C3orf70: variants seen among roughly 807,000 people sequenced by gnomAD.
The protein encoded by C3orf70 is UPF0524 protein C3orf70.
In C3orf70, 15 loss-of-function variants were observed where a neutral mutation model predicts 20.7. That is an observed-to-expected ratio of 0.72 (90% CI 0.48 to 1.11). The LOEUF is 1.11. Among genes scored for constraint, C3orf70 ranks in the 50% most tolerant of loss-of-function variants. The probability of loss-of-function intolerance (pLI) is 0.00; values close to 1 mark genes in which losing one functional copy is unlikely to be tolerated. For missense variants in C3orf70, 332 were observed against 317.6 expected (o/e 1.05, Z -0.34); for synonymous variants, 161 against 125.7 (o/e 1.28, Z -1.88).
intron 1 of C3orf70, among the ~76,000 whole-genome samples, chr3:185,134,074 C>T (rs1465458342): frequency 7.0e-6 from 1 of 143,472 alleles, no homozygotes; most frequent in African/African-American, 2.5e-5. Context: ...CTGGGTGATA[C>T]AGTGAGACTC....
intron 1 of C3orf70, among the ~76,000 whole-genome samples, chr3:185,107,826 G>A (rs1239639406): frequency 6.6e-6 from 1 of 152,114 alleles, no homozygotes. Flanking sequence ...CCAAAAAATT[G>A]GCCTTTAATA....
chr3:185,133,555 C>T (rs1716563806), intron 1 of C3orf70, among the ~76,000 whole-genome samples: 1 of 151,912 alleles, frequency 6.6e-6, no homozygotes, highest in South Asian at 2.1e-4. Flanking sequence ...CCAGCCTGGC[C>T]ATCACAGCAA....
chr3:185,079,345 T>G lies in C3orf70; in HGVS notation c.*3662A>C, dbSNP rs1179001730. Reference sequence around the variant, plus strand: ...CCAAGATAGAATCAAATCCAAAAAGTATTTCAGGAAAGCAACTACGTTGTT... The same window carrying G: ...CCAAGATAGAATCAAATCCAAAAAGGATTTCAGGAAAGCAACTACGTTGTT... On this transcript the variant is annotated 3_prime_UTR_variant, in exon 2 of 2. Coordinates refer to ENST00000335012, the MANE Select transcript of C3orf70 (RefSeq NM_001025266.3). The G allele has an allele frequency of 6.9e-6, 1 of 145,702 alleles. No individual in the cohort carries two copies. The highest frequency in any genetic ancestry group is 1.5e-5 in the Non-Finnish European group (1 of 66,346). 9.0% of individuals were successfully genotyped at this position (145,702 alleles called of 1,614,324 possible).
chr3:185,152,957 C>CTGA lies in C3orf70; in HGVS notation c.-135_-134insTCA. The CTGA allele has an allele frequency of 1.3e-6, 1 of 758,832 alleles. No individual in the cohort carries two copies. The highest frequency in any genetic ancestry group is 1.8e-6 in the Non-Finnish European group (1 of 561,028). 47.0% of individuals were successfully genotyped at this position (758,832 alleles called of 1,614,324 possible). A position where few individuals can be genotyped will look rare whatever the true frequency, so the allele number is the denominator to read the frequency against. On this transcript the variant is annotated 5_prime_UTR_variant, in exon 1 of 2. Transcript: ENST00000335012. ...GAGTCACGCCAGCACGCGGCGGCGG[C>CTGA]GGGAGCGCGGCGGTCCCAGGCTCGA...
At chr3:185,131,770 G>A (rs1047731233) in intron 1 of C3orf70, among the ~76,000 whole-genome samples, 12 of 152,232 alleles carry the variant, frequency 7.9e-5, no homozygotes, top group African/African-American at 2.9e-4. Context: ...GATATTTGCT[G>A]GGATAGGTAA....
chr3:185,116,236 T>C (rs1026623403), intron 1 of C3orf70, among the ~76,000 whole-genome samples: 3 of 152,214 alleles, frequency 2.0e-5, no homozygotes, highest in African/African-American at 2.4e-5. Context: ...AGAATGCTAT[T>C]TATTGGTACC....
intron 1 of C3orf70, among the ~76,000 whole-genome samples, chr3:185,126,744 A>G (rs1383091607): frequency 6.6e-6 from 1 of 152,166 alleles, no homozygotes; most frequent in East Asian, 1.9e-4. Context: ...CAAAACGAAA[A>G]TGCTGGCCCC....
In C3orf70 at chr3:185,083,591, A is replaced by T. The variant is rs1464075363; in HGVS notation, c.197-28T>A. 4 of 1,531,736 alleles carry T rather than the reference A, an allele frequency of 2.6e-6. No homozygotes were observed. In the Admixed American group the frequency reaches 7.9e-5, roughly 30 times the overall value. 94.9% of individuals were successfully genotyped at this position (1,531,736 alleles called of 1,614,324 possible). A position where few individuals can be genotyped will look rare whatever the true frequency, so the allele number is the denominator to read the frequency against. On this transcript the variant is annotated intron_variant, in intron 1 of 1. Coordinates refer to ENST00000335012, the MANE Select transcript of C3orf70 (RefSeq NM_001025266.3). The stretch of plus-strand genomic sequence containing the variant: ...GTGAAGACACAAAAAGACACTTGAA[A>T]TCTATATTACACAAACTATATTAAC...
chr3:185,083,682 C>A, intron 1 of C3orf70, 119 bp from the exon 2 acceptor site: 1 of 778,552 alleles, frequency 1.3e-6, no homozygotes, highest in South Asian at 2.4e-5. Context: ...TCAAAAGAAA[C>A]TAGTAATAAA....
intron 1 of C3orf70, among the ~76,000 whole-genome samples, chr3:185,120,401 G>C (rs996903940): frequency 6.6e-6 from 1 of 151,888 alleles, no homozygotes; most frequent in Non-Finnish European, 1.5e-5. Context: ...AGATATGCAG[G>C]GCAAATAAAG....
At chr3:185,142,184 G>C (rs1409877279) in intron 1 of C3orf70, among the ~76,000 whole-genome samples, 1 of 152,182 alleles carries the variant, frequency 6.6e-6, no homozygotes, top group Non-Finnish European at 1.5e-5. Flanking sequence ...ATTTGGCTGG[G>C]CACAGTGGCT....
chr3:185,145,330 G>A (rs1354920938), intron 1 of C3orf70, among the ~76,000 whole-genome samples: 1 of 152,216 alleles, frequency 6.6e-6, no homozygotes, highest in South Asian at 2.1e-4. Flanking sequence ...AATTAATGGT[G>A]TGTATACAAT....
rs773703031 is a variant in C3orf70, at chr3:185,097,314, G to A, written c.197-13751C>T. Among the ~76,000 whole-genome samples the A allele has an allele frequency of 1.8e-4, 27 of 152,160 alleles. No homozygotes were observed. In the East Asian group the frequency reaches 2.9e-3, roughly 16 times the overall value. On this transcript the variant is annotated intron_variant, in intron 1 of 1. Transcript: ENST00000335012. The stretch of plus-strand genomic sequence containing the variant: ...ACATATTAACAAGTTTAATATTAAC[G>A]GAGGAAGACTTTAGAAGAATGTATA...
intron 1 of C3orf70, among the ~76,000 whole-genome samples, chr3:185,148,023 C>G (rs151039314): frequency 9.7e-4 from 148 of 152,306 alleles, no homozygotes; most frequent in African/African-American, 3.4e-3. Flanking sequence ...GCCATCTCTT[C>G]TTAGACTCCT....
chr3:185,091,254 C>T (rs929389382), intron 1 of C3orf70, among the ~76,000 whole-genome samples: 20 of 151,848 alleles, frequency 1.3e-4, no homozygotes, highest in Non-Finnish European at 1.6e-4. Flanking sequence ...AGACAGAGAC[C>T]GGTATTGTAG....
intron 1 of C3orf70, among the ~76,000 whole-genome samples, chr3:185,127,747 G>GT (rs903578142): frequency 2.0e-5 from 3 of 152,052 alleles, no homozygotes; most frequent in South Asian, 4.2e-4. Context: ...GCCACTATTT[G>GT]TTTTTTTAAT....
intron 1 of C3orf70, among the ~76,000 whole-genome samples, chr3:185,140,569 T>C (rs1169787738): frequency 1.3e-5 from 2 of 151,968 alleles, no homozygotes; most frequent in Non-Finnish European, 1.5e-5. Flanking sequence ...TAATCCTTAA[T>C]GTGAGGGTCT....
chr3:185,150,951 G>T (rs1716978727), intron 1 of C3orf70, among the ~76,000 whole-genome samples: 1 of 152,166 alleles, frequency 6.6e-6, no homozygotes, highest in Non-Finnish European at 1.5e-5. Context: ...CCTATTTCAG[G>T]AAAGACATTG....
chr3:185,127,014 C>G (rs190165380), intron 1 of C3orf70, among the ~76,000 whole-genome samples: 1 of 152,332 alleles, frequency 6.6e-6, no homozygotes, highest in East Asian at 1.9e-4. Flanking sequence ...GCAAAGATCT[C>G]CAGTTAATCT....
Sources: gnomAD v4.1 joint callset for allele counts (sites outside exome capture counted in the v4.1 genomes callset) on GRCh38, gnomAD v4.1.1 for gene constraint, MANE v1.5 for transcripts, NCBI Gene and HGNC (gene_info 2026-07-23, HGNC 2026-07-21) for gene names.